GPR158: variants seen among roughly 807,000 people sequenced by gnomAD.
The protein encoded by GPR158 is G protein-coupled receptor 158, also known as metabotropic glycine receptor.
In GPR158, 30 loss-of-function variants were observed where a neutral mutation model predicts 78.2. That is an observed-to-expected ratio of 0.38 (90% CI 0.29 to 0.52). The LOEUF (loss-of-function observed/expected upper bound fraction) is 0.52. GPR158 is among the 20% of genes least tolerant of loss of function. The pLI is 0.83. For missense variants in GPR158, 1,463 were observed against 1,523.5 expected (o/e 0.96, Z 0.66); for synonymous variants, 581 against 591.1 (o/e 0.98, Z 0.25).
chr10:25,347,510 C>G (rs1855387888), intron 2 of GPR158, among the ~76,000 whole-genome samples: 2 of 151,960 alleles, frequency 1.3e-5, no homozygotes, highest in African/African-American at 4.8e-5. Context: ...ATGCCTAATA[C>G]TTTATGGTAA....
chr10:25,437,400 A>AT (rs11410950), intron 4 of GPR158, among the ~76,000 whole-genome samples: 105,973 of 151,428 alleles, frequency 0.7, 38,066 homozygotes, highest in Non-Finnish European at 0.8. Context: ...TCATTTTTGT[A>AT]TTTTTTGTAG....
intron 5 of GPR158, among the ~76,000 whole-genome samples, chr10:25,517,666 G>T (rs1489119124): frequency 6.6e-6 from 1 of 151,880 alleles, no homozygotes; most frequent in Non-Finnish European, 1.5e-5. Flanking sequence ...TTATATGCTG[G>T]ATTACATTTA....
In GPR158 at chr10:25,271,987, G is replaced by A. The variant is rs186357308; in HGVS notation, c.1008+50830G>A. Among the ~76,000 whole-genome samples the A allele has an allele frequency of 1.3e-4, 20 of 152,218 alleles. No homozygotes were observed. The East Asian group carries it at 3.7e-3, about 28-fold the overall frequency. On this transcript the variant is annotated intron_variant, in intron 2 of 10. Transcript: ENST00000376351. ...TCTTTGTGGGCAAAAATGCCCAGAAGTGCCTTTGATTGGTTCTTTGGTAAT... is the reference window on the plus strand; with the variant it reads ...TCTTTGTGGGCAAAAATGCCCAGAAATGCCTTTGATTGGTTCTTTGGTAAT...
At chr10:25,443,859 ACTC>A (rs1302754949) in intron 4 of GPR158, among the ~76,000 whole-genome samples, 1 of 151,588 alleles carries the variant, frequency 6.6e-6, no homozygotes, top group African/African-American at 2.4e-5. Flanking sequence ...TCAGACCTCA[ACTC>A]CTCCATCGCT....
chr10:25,555,814 A>G (rs1588910721), intron 6 of GPR158, among the ~76,000 whole-genome samples: 1 of 151,702 alleles, frequency 6.6e-6, no homozygotes, highest in Non-Finnish European at 1.5e-5. Context: ...GTGAAAAGCT[A>G]TCTTCTGGCT....
intron 5 of GPR158, among the ~76,000 whole-genome samples, chr10:25,531,360 G>A (rs1328068500): frequency 6.6e-6 from 1 of 152,186 alleles, no homozygotes; most frequent in Non-Finnish European, 1.5e-5. Flanking sequence ...TGCTGGTTTT[G>A]ATTATTGATA....
intron 2 of GPR158, among the ~76,000 whole-genome samples, chr10:25,249,201 G>A (rs1853752185): frequency 6.6e-6 from 1 of 152,004 alleles, no homozygotes; most frequent in Admixed American, 6.6e-5. Flanking sequence ...TCAGCTTAAG[G>A]AGATTTTGGG....
chr10:25,449,863 T>A (rs1219144507), intron 4 of GPR158, among the ~76,000 whole-genome samples: 1 of 152,120 alleles, frequency 6.6e-6, no homozygotes, highest in Non-Finnish European at 1.5e-5. Flanking sequence ...TTTTAAAAAA[T>A]TTATCCCAAT....
intron 2 of GPR158, among the ~76,000 whole-genome samples, chr10:25,250,891 CT>C (rs1853786926): frequency 6.6e-6 from 1 of 151,644 alleles, no homozygotes; most frequent in Non-Finnish European, 1.5e-5. Context: ...TCTCGTTGAT[CT>C]GTCTAATGTT....
intron 10 of GPR158, 53 bp from the exon 11 acceptor site, chr10:25,597,719 A>G (rs987954950): frequency 3.6e-5 from 50 of 1,404,950 alleles, no homozygotes; most frequent in Non-Finnish European, 4.6e-5. Flanking sequence ...GTGATCTTCT[A>G]TGACTGGAAC....
At chr10:25,480,582 A>C (rs1409069935) in intron 5 of GPR158, among the ~76,000 whole-genome samples, 2 of 152,186 alleles carry the variant, frequency 1.3e-5, no homozygotes. Context: ...GCAGAATCAC[A>C]CAACATTTAT....
In GPR158 at chr10:25,572,808, T is replaced by G; in HGVS notation, c.1674T>G (p.Leu558=). 1 of 1,613,960 alleles carries G rather than the reference T, an allele frequency of 6.2e-7. No individual in the cohort carries two copies. The highest frequency in any genetic ancestry group is 8.5e-7 in the Non-Finnish European group (1 of 1,179,876). The change falls in exon 7 of 11, where the codon CTT becomes CTG. Residue 558 remains leucine (L), a synonymous_variant. Transcript: ENST00000376351. ...VCQNLEKQIS[L]IGQGKTSDHL... ...AGAATTTGGAGAAACAGATTTCACTTATTGGCCAGGGGAAAACATCCGATC... is the reference window on the plus strand; with the variant it reads ...AGAATTTGGAGAAACAGATTTCACTGATTGGCCAGGGGAAAACATCCGATC...
At chr10:25,541,672 T>A (rs903091798) in intron 5 of GPR158, among the ~76,000 whole-genome samples, 1 of 151,502 alleles carries the variant, frequency 6.6e-6, no homozygotes, top group African/African-American at 2.4e-5. Context: ...CCTGAATAAA[T>A]GTGCTTCAAT....
intron 4 of GPR158, among the ~76,000 whole-genome samples, chr10:25,463,972 T>C (rs1009479782): frequency 1.3e-5 from 2 of 152,184 alleles, no homozygotes; most frequent in Non-Finnish European, 2.9e-5. Flanking sequence ...ATTAGGTTCC[T>C]TCTCATTCTG....
At chr10:25,205,267 A>G (rs1389171358) in intron 1 of GPR158, among the ~76,000 whole-genome samples, 1 of 139,310 alleles carries the variant, frequency 7.2e-6, no homozygotes, top group Non-Finnish European at 1.5e-5. Context: ...GTTTATTTGG[A>G]TCTTCTCTTT....
chr10:25,420,129 G>C (rs890504130), intron 4 of GPR158, among the ~76,000 whole-genome samples: 1 of 151,388 alleles, frequency 6.6e-6, no homozygotes, highest in African/African-American at 2.4e-5. Context: ...TTTCTTAATA[G>C]GGTCTTTTGA....
At chr10:25,487,347 T>G (rs190233219) in intron 5 of GPR158, among the ~76,000 whole-genome samples, 4 of 152,328 alleles carry the variant, frequency 2.6e-5, no homozygotes, top group African/African-American at 9.6e-5. Flanking sequence ...ACTAATTTAT[T>G]TTTCTGTAAA....
chr10:25,291,338 A>G (rs1854433417), intron 2 of GPR158, among the ~76,000 whole-genome samples: 1 of 152,080 alleles, frequency 6.6e-6, no homozygotes, highest in Non-Finnish European at 1.5e-5. Context: ...AAAGAGGGAA[A>G]TGGGATCAAT....
At chr10:25,289,847 C>A (rs1353717650) in intron 2 of GPR158, among the ~76,000 whole-genome samples, 2 of 152,046 alleles carry the variant, frequency 1.3e-5, no homozygotes, top group African/African-American at 4.8e-5. Context: ...ATTTTGAAAA[C>A]CATCATGTTA....
Sources: allele counts gnomAD v4.1 joint callset (sites outside exome capture counted in the v4.1 genomes callset), GRCh38; gene constraint gnomAD v4.1.1; transcripts MANE v1.5; gene names NCBI Gene and HGNC (gene_info 2026-07-23, HGNC 2026-07-21).